AQP7B: variants seen among roughly 807,000 people sequenced by gnomAD.
AQP7B encodes the protein putative aquaporin-7B.
the AQP7B span, among the ~76,000 whole-genome samples, chr2:94,602,883 G>C: frequency 3.9e-5 from 6 of 152,258 alleles, no homozygotes; most frequent in East Asian, 1.2e-3. Context: ...GAGTGAAGGT[G>C]GCCCCTGCCT....
At chr2:94,587,535 G>C in the AQP7B span, among the ~76,000 whole-genome samples, 1 of 152,182 alleles carries the variant, frequency 6.6e-6, no homozygotes, top group Non-Finnish European at 1.5e-5. Flanking sequence ...AGGAGCCCTG[G>C]CTGGGAGTGG....
At chr2:94,587,674 A>C in the AQP7B span, among the ~76,000 whole-genome samples, 1 of 152,110 alleles carries the variant, frequency 6.6e-6, no homozygotes, top group Non-Finnish European at 1.5e-5. Flanking sequence ...TAGAGCAGAG[A>C]TGGCAGGGAT....
At chr2:94,597,622 T>G in the AQP7B span, among the ~76,000 whole-genome samples, 11 of 151,468 alleles carry the variant, frequency 7.3e-5, no homozygotes, top group Admixed American at 1.3e-4. Context: ...GTTTTTTTTT[T>G]TTTGTTTTTT....
At chr2:94,590,346 C>G in the AQP7B span, among the ~76,000 whole-genome samples, 8 of 151,948 alleles carry the variant, frequency 5.3e-5, no homozygotes, top group Non-Finnish European at 1.0e-4. Flanking sequence ...CCACGCCCAG[C>G]TAATTTTTTT....
the AQP7B span, among the ~76,000 whole-genome samples, chr2:94,593,255 C>T: frequency 6.6e-6 from 1 of 151,104 alleles, no homozygotes; most frequent in South Asian, 2.1e-4. Context: ...AAATTTAGGT[C>T]AAGAAAAGAA....
At chr2:94,590,181 CA>C in the AQP7B span, among the ~76,000 whole-genome samples, 1 of 152,060 alleles carries the variant, frequency 6.6e-6, no homozygotes, top group Non-Finnish European at 1.5e-5. Context: ...AGGTGCTCAA[CA>C]AAAATTTTTT....
At chr2:94,595,125 G>A in the AQP7B span, among the ~76,000 whole-genome samples, 1 of 152,090 alleles carries the variant, frequency 6.6e-6, no homozygotes, top group African/African-American at 2.4e-5. Context: ...TGGGGAGAAG[G>A]GAAACCCAGA....
the AQP7B span, among the ~76,000 whole-genome samples, chr2:94,602,135 G>A: frequency 2.6e-5 from 4 of 151,938 alleles, no homozygotes; most frequent in Admixed American, 1.3e-4. Flanking sequence ...AGCCTGAAGT[G>A]TGAGGGACTC....
chr2:94,594,684 G>T, the AQP7B span: 3 of 1,175,042 alleles, frequency 2.6e-6, no homozygotes, highest in Non-Finnish European at 3.8e-6. Flanking sequence ...TTGAAGAGCC[G>T]ATGGGCAGCA....
At chr2:94,600,967 G>T in the AQP7B span, among the ~76,000 whole-genome samples, 2 of 152,138 alleles carry the variant, frequency 1.3e-5, no homozygotes, top group Admixed American at 1.3e-4. Context: ...GATCACTTGA[G>T]CCAAGGAGAT....
the AQP7B span, among the ~76,000 whole-genome samples, chr2:94,590,295 G>A: frequency 1.3e-5 from 2 of 152,054 alleles, no homozygotes; most frequent in South Asian, 2.1e-4. Flanking sequence ...TGATTCTCAC[G>A]TCTCAGCCCC....
chr2:94,603,771 C>G, the AQP7B span: 5 of 1,539,024 alleles, frequency 3.2e-6, no homozygotes, highest in Non-Finnish European at 4.4e-6. Context: ...AGGAGAACAA[C>G]CCAGCACTGC....
At chr2:94,603,122 G>A in the AQP7B span, 7 of 1,560,302 alleles carry the variant, frequency 4.5e-6, no homozygotes, top group South Asian at 4.6e-5. Context: ...ATGTGCTGGG[G>A]CAGTTCCTGG....
At chr2:94,603,800 T>G in the AQP7B span, 9,985 of 1,521,512 alleles carry the variant, frequency 6.6e-3, 58 homozygotes, top group Non-Finnish European at 7.4e-3. Flanking sequence ...CACGCGCTGG[T>G]GATAAGCATC....
the AQP7B span, among the ~76,000 whole-genome samples, chr2:94,592,868 C>A: frequency 7.3e-6 from 1 of 136,914 alleles, no homozygotes; most frequent in Non-Finnish European, 1.5e-5. Context: ...CTGTCACCCA[C>A]GCTGGAGTGC....
chr2:94,594,588 C>T, the AQP7B span, among the ~76,000 whole-genome samples: 1 of 152,214 alleles, frequency 6.6e-6, no homozygotes, highest in Admixed American at 6.5e-5. Flanking sequence ...TCTCAAGTGT[C>T]TCCAATTCCA....
the AQP7B span, among the ~76,000 whole-genome samples, chr2:94,597,387 T>A: frequency 6.6e-6 from 1 of 152,170 alleles, no homozygotes; most frequent in African/African-American, 2.4e-5. Context: ...CTTCCTTTTG[T>A]TGAGATTTTC....
the AQP7B span, among the ~76,000 whole-genome samples, chr2:94,592,812 C>CTT: frequency 1.3e-3 from 68 of 51,756 alleles, 6 homozygotes; most frequent in African/African-American, 1.9e-3. Context: ...ATTAATTAAG[C>CTT]TTTTTTTTTT....
chr2:94,595,494 C>T, the AQP7B span, among the ~76,000 whole-genome samples: 2 of 151,902 alleles, frequency 1.3e-5, no homozygotes, highest in Non-Finnish European at 2.9e-5. Flanking sequence ...GATGATTGGG[C>T]TCTGATAATG....
Sources: gnomAD v4.1 joint callset for allele counts (sites outside exome capture counted in the v4.1 genomes callset) on GRCh38, gnomAD v4.1.1 for gene constraint, MANE v1.5 for transcripts, NCBI Gene and HGNC (gene_info 2026-07-23, HGNC 2026-07-21) for gene names.